Variants in ZFHX3 observed in about 807,000 individuals in gnomAD.
The protein encoded by ZFHX3 is zinc finger homeobox 3, also known as zinc finger homeobox protein 3.
ZFHX3 carries 42 observed loss-of-function variants against 279.1 expected under a neutral mutation model. The observed-to-expected ratio is 0.15, with a 90% CI of 0.12 to 0.19. The LOEUF is 0.19. Ranked by LOEUF, ZFHX3 falls within the 10% of genes least tolerant of loss-of-function variation. ZFHX3 has a pLI of 1.00. For synonymous variants in ZFHX3, 2,293 were observed against 1,957.8 expected, an observed-to-expected ratio of 1.17 and a Z score of -4.52; for missense variants, 4,981 against 4,754.0, an observed-to-expected ratio of 1.05 and a Z score of -1.40.
At chr16:73,148,765 G>A (rs952873006) in intron 5 of ZFHX3, among the ~76,000 whole-genome samples, 1 of 151,280 alleles carries the variant, frequency 6.6e-6, no homozygotes, top group Admixed American at 6.6e-5. Flanking sequence ...TGGCCAACAT[G>A]GAGAAACCCT....
At chr16:73,467,190 G>C (rs1361899118) in intron 2 of ZFHX3, among the ~76,000 whole-genome samples, 1 of 152,210 alleles carries the variant, frequency 6.6e-6, no homozygotes, top group African/African-American at 2.4e-5. Flanking sequence ...AAGAGAGGGA[G>C]ACCTATGGAG....
At chr16:73,434,440 C>T (rs546211578) in intron 3 of ZFHX3, among the ~76,000 whole-genome samples, 2 of 152,096 alleles carry the variant, frequency 1.3e-5, no homozygotes, top group Non-Finnish European at 2.9e-5. Flanking sequence ...GCTACCCTGC[C>T]CCAGTTATCT....
chr16:73,719,869 G>A (rs796504500), intron 1 of ZFHX3, among the ~76,000 whole-genome samples: 1 of 152,200 alleles, frequency 6.6e-6, no homozygotes, highest in African/African-American at 2.4e-5. Context: ...CCAACCTCAG[G>A]TGATCTGCCT....
intron 1 of ZFHX3, among the ~76,000 whole-genome samples, chr16:73,690,539 C>A (rs2053138436): frequency 6.6e-6 from 1 of 152,220 alleles, no homozygotes; most frequent in Non-Finnish European, 1.5e-5. Context: ...AAAGTTTCCT[C>A]CCATCCCTTC....
intron 5 of ZFHX3, among the ~76,000 whole-genome samples, chr16:73,160,439 G>C (rs1967202410): frequency 6.6e-6 from 1 of 152,154 alleles, no homozygotes; most frequent in South Asian, 2.1e-4. Flanking sequence ...TCTCATTCTA[G>C]CTATCCTGAG....
chr16:73,872,386 C>G (rs1056577893), intron 1 of ZFHX3, among the ~76,000 whole-genome samples: 4 of 151,930 alleles, frequency 2.6e-5, no homozygotes, highest in African/African-American at 4.8e-5. Context: ...CCACCATGCC[C>G]AGTTAACTTA....
chr16:72,827,678 G>T (rs2036967354), intron 5 of ZFHX3, among the ~76,000 whole-genome samples: 1 of 152,218 alleles, frequency 6.6e-6, no homozygotes, highest in African/African-American at 2.4e-5. Flanking sequence ...CCCACAGGAG[G>T]ATACGTCCCC....
At chr16:73,774,701 G>A (rs2054057479) in intron 1 of ZFHX3, among the ~76,000 whole-genome samples, 2 of 152,172 alleles carry the variant, frequency 1.3e-5, no homozygotes, top group South Asian at 2.1e-4. Context: ...CTAAGCCACC[G>A]ATGGTAACTG....
chr16:73,547,108 A>C (rs1374667338), intron 2 of ZFHX3, among the ~76,000 whole-genome samples: 2 of 152,146 alleles, frequency 1.3e-5, no homozygotes, highest in Non-Finnish European at 2.9e-5. Context: ...AAATCTCTCC[A>C]TCCTAATGAC....
chr16:73,665,699 C>A (rs1372996026), intron 2 of ZFHX3, among the ~76,000 whole-genome samples: 1 of 150,912 alleles, frequency 6.6e-6, no homozygotes, highest in Non-Finnish European at 1.5e-5. Flanking sequence ...AGATGAGATA[C>A]AAATAAATTT....
chr16:72,902,314 G>A (rs558899827), intron 3 of ZFHX3, among the ~76,000 whole-genome samples: 1 of 152,248 alleles, frequency 6.6e-6, no homozygotes, highest in African/African-American at 2.4e-5. Flanking sequence ...ATAATGCATG[G>A]AGTAAGTAAG....
At chr16:73,526,184 C>CA (rs2019690540) in intron 2 of ZFHX3, among the ~76,000 whole-genome samples, 1 of 152,238 alleles carries the variant, frequency 6.6e-6, no homozygotes, top group South Asian at 2.1e-4. Context: ...CAGCAATGAC[C>CA]ATAAGCACTC....
intron 5 of ZFHX3, among the ~76,000 whole-genome samples, chr16:73,240,892 T>A (rs1485373943): frequency 6.6e-6 from 1 of 152,276 alleles, no homozygotes; most frequent in East Asian, 1.9e-4. Context: ...AGGGCATTTC[T>A]GACTTTGAAG....
intron 5 of ZFHX3, among the ~76,000 whole-genome samples, chr16:73,175,152 G>A (rs184739548): frequency 1.1e-3 from 172 of 152,164 alleles, no homozygotes; most frequent in African/African-American, 4.1e-3. Flanking sequence ...GGCTGAGGCG[G>A]GCGGATTACT....
chr16:73,548,348 T>C lies in ZFHX3; in HGVS notation c.-1546-92090A>G, dbSNP rs1327842264. Among the ~76,000 whole-genome samples the C allele has an allele frequency of 4.6e-5, 7 of 152,344 alleles. No homozygotes were observed. The East Asian group carries it at 1.3e-3, about 29-fold the overall frequency. On this transcript the variant is annotated intron_variant, in intron 2 of 17. Transcript: ENST00000641206. ...CACTGGAGGCACAGATCTCGTCTTC[T>C]TTAGTTCTTGCAACAGCTTTTCACT...
chr16:73,172,930 G>A (rs1190447646), intron 5 of ZFHX3, among the ~76,000 whole-genome samples: 3 of 104,962 alleles, frequency 2.9e-5, no homozygotes, highest in South Asian at 3.0e-4. Flanking sequence ...GGCTGCCTGT[G>A]GTTTTTTTTT....
chr16:73,219,495 G>C (rs2012334916), intron 5 of ZFHX3, among the ~76,000 whole-genome samples: 2 of 152,202 alleles, frequency 1.3e-5, no homozygotes, highest in East Asian at 3.9e-4. Flanking sequence ...ATACTGTAGA[G>C]ATGCCCTACA....
At chr16:73,509,599 A>C (rs2019389213) in intron 2 of ZFHX3, among the ~76,000 whole-genome samples, 3 of 139,416 alleles carry the variant, frequency 2.2e-5, no homozygotes, top group African/African-American at 2.8e-5. Context: ...ATCTTGGCTC[A>C]CTGCAACCTC....
At chr16:72,901,289 A>G (rs892395212) in intron 3 of ZFHX3, among the ~76,000 whole-genome samples, 1 of 152,208 alleles carries the variant, frequency 6.6e-6, no homozygotes, top group Non-Finnish European at 1.5e-5. Flanking sequence ...CGAGAGGAAA[A>G]TGCTCTTTAA....
Sources: allele counts gnomAD v4.1 joint callset (sites outside exome capture counted in the v4.1 genomes callset), GRCh38; gene constraint gnomAD v4.1.1; transcripts MANE v1.5; gene names NCBI Gene and HGNC (gene_info 2026-07-23, HGNC 2026-07-21).